AGGF1: variants seen among roughly 807,000 people sequenced by gnomAD.
AGGF1 encodes the protein angiogenic factor with G patch and FHA domains 1.
In AGGF1, 56 loss-of-function variants were observed where a neutral mutation model predicts 86.5. The observed-to-expected ratio is 0.65, with a 90% confidence interval of 0.52 to 0.81. The LOEUF is 0.81. AGGF1 is among the 30% of genes least tolerant of loss of function. The pLI, the probability that AGGF1 is intolerant of heterozygous loss-of-function variation, is 0.00. For missense variants in AGGF1, 816 were observed against 850.9 expected, an observed-to-expected ratio of 0.96 and a Z score of 0.51; for synonymous variants, 313 against 297.1, an observed-to-expected ratio of 1.05 and a Z score of -0.55.
At chr5:77,041,947 GAGGACCCTGCGGCCTTCCGC>G (rs1279954713) in intron 5 of AGGF1, among the ~76,000 whole-genome samples, 1 of 150,712 alleles carries the variant, frequency 6.6e-6, no homozygotes, top group Non-Finnish European at 1.5e-5. Flanking sequence ...TTCCTAGGCA[GAGGACCCTGCGGCCTTCCGC>G]AGTGTTTGTG....
In AGGF1 at chr5:77,052,301, G is replaced by A. The variant is rs146783625; in HGVS notation, c.1366-405G>A. ...CCAGGAGGTCAAGGCTGCAGGAAGC[G>A]GTGATCACACCACTGCACTGTAGCC... On this transcript the variant is annotated intron_variant, in intron 8 of 13. Coordinates refer to ENST00000312916, the MANE Select transcript of AGGF1 (RefSeq NM_018046.5). Among the ~76,000 whole-genome samples, 24 of 152,064 alleles carry A rather than the reference G, an allele frequency of 1.6e-4. No homozygotes were observed. The East Asian group carries it at 2.3e-3, about 15-fold the overall frequency.
chr5:77,033,522 G>A (rs140072085), intron 1 of AGGF1, among the ~76,000 whole-genome samples: 98 of 152,226 alleles, frequency 6.4e-4, no homozygotes, highest in South Asian at 1.0e-3. Context: ...AATTTAATGG[G>A]GCACTAATTC....
intron 4 of AGGF1, among the ~76,000 whole-genome samples, chr5:77,037,899 C>T (rs1443231299): frequency 6.6e-6 from 1 of 152,148 alleles, no homozygotes; most frequent in African/African-American, 2.4e-5. Context: ...ATTTATAATA[C>T]AGTGTTATAG....
intron 11 of AGGF1, among the ~76,000 whole-genome samples, chr5:77,057,938 A>C (rs1325965468): frequency 6.6e-6 from 1 of 152,156 alleles, no homozygotes; most frequent in African/African-American, 2.4e-5. Context: ...AGAAAGTGGG[A>C]AGAACTGTTC....
chr5:77,055,252 AT>A (rs1313610254), intron 10 of AGGF1, among the ~76,000 whole-genome samples: 16 of 152,166 alleles, frequency 1.1e-4, no homozygotes, highest in African/African-American at 3.9e-4. Flanking sequence ...ATATTGAAAA[AT>A]CGAGATGTTC....
rs1747322042 is a variant in AGGF1 at position 77,048,944 on chromosome 5, A to C, written c.1322A>C (p.Asp441Ala). 1 of 1,613,662 alleles carries C rather than the reference A, an allele frequency of 6.2e-7. No individual in the cohort carries two copies. Among genetic ancestry groups the C allele is most frequent in the Admixed American group, 1.7e-5 (1 of 60,000 alleles). The change falls in exon 8 of 14, where the codon GAT becomes GCT. Residue 441 changes from aspartate to alanine, a missense_variant. Asp to Ala is a moderately radical substitution (Grantham distance 126). This residue lies in a region of AGGF1 where 565 missense variants were observed against 585.8 expected (regional missense o/e 0.96). Transcript: ENST00000312916. The part of the protein sequence containing the change: ...VNPATIGREK[D>A]MEHTLRIPEV... ...TTTACTTAACTCTGCAGAGAAAAGG[A>C]TATGGAACATACTCTCCGAATCCCT...
chr5:77,041,968 A>G (rs1215275248), intron 5 of AGGF1, among the ~76,000 whole-genome samples: 2 of 150,914 alleles, frequency 1.3e-5, no homozygotes, highest in Non-Finnish European at 3.0e-5. Context: ...GGCCTTCCGC[A>G]GTGTTTGTGT....
chr5:77,048,871 C>CT (rs1747320437), intron 7 of AGGF1, 65 bp from the exon 8 acceptor site: 1 of 1,467,156 alleles, frequency 6.8e-7, no homozygotes, highest in East Asian at 2.3e-5. Context: ...TTTTAAAATT[C>CT]TTTCCATGTC....
chr5:77,030,869 G>T lies in AGGF1; in HGVS notation c.103G>T (p.Glu35Ter). ...LRRKVEKLER[E>*]LRSCKRQVRE... ...GCGGAAGGTGGAGAAGTTGGAACGT[G>T]AACTGCGGAGCTGCAAGCGGCAGGT... Residue 35 changes from glutamate to a stop codon, truncating the protein, a stop_gained, in exon 1 of 14, where the codon GAA (glutamate) becomes TAA (stop). Coordinates refer to ENST00000312916, the MANE Select transcript of AGGF1 (RefSeq NM_018046.5). LOFTEE classifies it high-confidence loss of function. The T allele has an allele frequency of 6.2e-7, 1 of 1,613,372 alleles. No homozygotes were observed. Among genetic ancestry groups the T allele is most frequent in the South Asian group, 1.1e-5 (1 of 91,062 alleles).
In AGGF1 at chr5:77,063,244, TTAGAGTGAAGGCTAATCA is replaced by T; in HGVS notation, c.2142_*14del. The stretch of plus-strand genomic sequence containing the variant: ...GACCATGCCTTGGGTAAAAGGGACT[TTAGAGTGAAGGCTAATCA>T]TAGAAAAAAAACCTCTAGTTTTTTT... On this transcript the variant is annotated stop_lost and 3_prime_UTR_variant, in exon 14 of 14. Coordinates refer to ENST00000312916, the MANE Select transcript of AGGF1 (RefSeq NM_018046.5). 1 of 1,613,278 alleles carries T rather than the reference TTAGAGTGAAGGCTAATCA, an allele frequency of 6.2e-7. No individual in the cohort carries two copies. The highest frequency in any genetic ancestry group is 8.5e-7 in the Non-Finnish European group (1 of 1,179,596).
Position 77,031,015 on chromosome 5 carries a change from A to G in AGGF1, c.210+39A>G, listed in dbSNP as rs557581587. On this transcript the variant is annotated intron_variant, in intron 1 of 13. Transcript: ENST00000312916. ...CTCAGCCCCGCGCCCCATCCAGCCC[A>G]GGCGAGGCCTTCGAAGCCCGTGATA... The G allele has an allele frequency of 1.4e-4, 232 of 1,607,260 alleles. 1 individual carries two copies. In the South Asian group the frequency reaches 2.4e-3, roughly 16 times the overall value.
chr5:77,036,248 C>A (rs1746965319), intron 3 of AGGF1, among the ~76,000 whole-genome samples: 4 of 152,040 alleles, frequency 2.6e-5, no homozygotes, highest in Non-Finnish European at 5.9e-5. Flanking sequence ...ATTGAAGAAC[C>A]TAGATCTTTG....
intron 7 of AGGF1, 117 bp downstream of exon 7, chr5:77,048,389 T>C (rs1342142335): frequency 2.3e-6 from 2 of 853,962 alleles, no homozygotes; most frequent in Non-Finnish European, 3.6e-6. Context: ...TTGTGCTCTG[T>C]TGTCCAGGCT....
chr5:77,034,774 T>C (rs1434796478), intron 2 of AGGF1, among the ~76,000 whole-genome samples: 1 of 152,222 alleles, frequency 6.6e-6, no homozygotes, highest in African/African-American at 2.4e-5. Flanking sequence ...ACTGAGTAAT[T>C]TTTGGCAGGC....
In AGGF1 at chr5:77,031,105, A is replaced by G. The variant is rs1024567810; in HGVS notation, c.210+129A>G. 7.0e-6 allele frequency: 7 copies of G among 994,354 alleles called. No individual in the cohort carries two copies. In the African/African-American group the frequency reaches 1.1e-4, roughly 16 times the overall value. 61.6% of individuals were successfully genotyped at this position (994,354 alleles called of 1,614,324 possible). On this transcript the variant is annotated intron_variant, in intron 1 of 13. Coordinates refer to ENST00000312916, the MANE Select transcript of AGGF1 (RefSeq NM_018046.5). ...TAGAGTACTTAAAGTAAATAAGTAG[A>G]AGCTCAGCGCAGTTACAATTCCAAG...
chr5:77,050,104 G>A (rs899567426), intron 8 of AGGF1, among the ~76,000 whole-genome samples: 4 of 151,902 alleles, frequency 2.6e-5, no homozygotes, highest in East Asian at 3.9e-4. Flanking sequence ...CATTCAGAAA[G>A]AGGAAAAAGT....
In AGGF1 at chr5:77,035,509, T is replaced by G. The variant is rs1319859970; in HGVS notation, c.314-32T>G. On this transcript the variant is annotated intron_variant, in intron 2 of 13. Transcript: ENST00000312916. ...CCTTTTTATATACATTATTCTAATA[T>G]GATACGATTTCACTTCATTTTTTTG... The G allele has an allele frequency of 2.6e-6, 4 of 1,518,900 alleles. No individual in the cohort carries two copies. The African/African-American group carries it at 5.5e-5, about 21-fold the overall frequency. 94.1% of individuals were successfully genotyped at this position (1,518,900 alleles called of 1,614,324 possible). A position where few individuals can be genotyped will look rare whatever the true frequency, so the allele number is the denominator to read the frequency against.
intron 10 of AGGF1, among the ~76,000 whole-genome samples, chr5:77,054,991 A>G (rs1280678552): frequency 6.6e-6 from 1 of 152,166 alleles, no homozygotes; most frequent in East Asian, 1.9e-4. Flanking sequence ...AGCCATCGAA[A>G]GCTCTTAAAA....
intron 8 of AGGF1, among the ~76,000 whole-genome samples, chr5:77,052,019 C>T (rs142942194): frequency 2.2e-4 from 34 of 152,296 alleles, no homozygotes; most frequent in Non-Finnish European, 4.7e-4. Flanking sequence ...GGAAACTTCT[C>T]TGAGAAGTTG....
Sources: gnomAD v4.1 joint callset for allele counts (sites outside exome capture counted in the v4.1 genomes callset) on GRCh38, gnomAD v4.1.1 for gene constraint, gnomAD v4.1.1 regional missense constraint, MANE v1.5 for transcripts, NCBI Gene and HGNC (gene_info 2026-07-23, HGNC 2026-07-21) for gene names.